The following RASA3 variants were observed in gnomAD, a reference collection of about 807,000 sequenced individuals.
The protein encoded by RASA3 is ras GTPase-activating protein 3.
A neutral mutation model predicts 110.0 loss-of-function variants in RASA3; 73 were observed. The ratio of observed to expected loss-of-function variants is 0.66; its 90% CI spans 0.55 to 0.81. RASA3 has a LOEUF of 0.81. Ranked by LOEUF, RASA3 falls within the 30% of genes least tolerant of loss-of-function variation. The probability of loss-of-function intolerance (pLI) is 0.00; values close to 1 mark genes in which losing one functional copy is unlikely to be tolerated. For missense variants in RASA3, 976 were observed against 1,113.2 expected, an observed-to-expected ratio of 0.88 and a Z score of 1.75; for synonymous variants, 500 against 451.4, an observed-to-expected ratio of 1.11 and a Z score of -1.37.
intron 3 of RASA3, among the ~76,000 whole-genome samples, chr13:114,051,387 C>A (rs771012073): frequency 6.6e-6 from 1 of 152,234 alleles, no homozygotes; most frequent in Non-Finnish European, 1.5e-5. Flanking sequence ...ACGCCTGCTG[C>A]GTGAGGTCTG....
chr13:114,009,533 G>C, intron 16 of RASA3, 69 bp from the exon 17 acceptor site: 2 of 1,064,966 alleles, frequency 1.9e-6, no homozygotes, highest in Middle Eastern at 2.0e-4. Context: ...ATCTGAAAAA[G>C]CTAGAGGCAA....
intron 1 of RASA3, among the ~76,000 whole-genome samples, chr13:114,118,679 G>A (rs969056490): frequency 6.6e-6 from 1 of 152,254 alleles, no homozygotes; most frequent in African/African-American, 2.4e-5. Context: ...CTGGACTAGC[G>A]TCTAAGCAAG....
chr13:113,992,359 A>C (rs1196088645), intron 22 of RASA3, 126 bp downstream of exon 22: 1 of 674,188 alleles, frequency 1.5e-6, no homozygotes, highest in Non-Finnish European at 2.5e-6. Context: ...TACAAAGACA[A>C]CTACATGTAG....
At chr13:114,051,521 GC>G (rs2079146320) in intron 3 of RASA3, among the ~76,000 whole-genome samples, 1 of 152,204 alleles carries the variant, frequency 6.6e-6, no homozygotes, top group African/African-American at 2.4e-5. Flanking sequence ...AGGCAGGGCT[GC>G]CCATGAGCTT....
At chr13:114,113,208 C>T (rs1473338590) in intron 1 of RASA3, among the ~76,000 whole-genome samples, 3 of 152,232 alleles carry the variant, frequency 2.0e-5, no homozygotes, top group Admixed American at 1.3e-4. Context: ...TGCTCAGCCA[C>T]ACCGGCCTCC....
At chr13:114,126,359 C>T (rs542907217) in intron 1 of RASA3, among the ~76,000 whole-genome samples, 20 of 152,348 alleles carry the variant, frequency 1.3e-4, no homozygotes, top group African/African-American at 4.8e-4. Flanking sequence ...CTGGGCCCCT[C>T]AAAGGCCAGG....
chr13:114,069,006 T>A lies in RASA3; in HGVS notation c.173+4714A>T, dbSNP rs935354626. 5.3e-5 allele frequency among the ~76,000 whole-genome samples: 8 copies of A among 151,998 alleles called. No homozygotes were observed. The East Asian group carries it at 1.6e-3, about 30-fold the overall frequency. On this transcript the variant is annotated intron_variant, in intron 2 of 23. Transcript: ENST00000334062. ...CCCCAGACGTCGGCTCAGCACTCGA[T>A]AAAGAGGCCCCACAGACTCCAGGGC...
At chr13:113,999,747 CG>C (rs1188293666) in intron 19 of RASA3, 80 bp from the exon 20 acceptor site, 50 of 787,188 alleles carry the variant, frequency 6.4e-5, no homozygotes, top group Admixed American at 7.2e-5. Flanking sequence ...GGGTCTCTGC[CG>C]GGGGGTCTCC....
intron 3 of RASA3, among the ~76,000 whole-genome samples, chr13:114,046,321 G>A (rs1399000626): frequency 6.6e-6 from 1 of 152,162 alleles, no homozygotes; most frequent in African/African-American, 2.4e-5. Flanking sequence ...GGTGGTGGAA[G>A]AAAACAGTTT....
chr13:114,083,558 G>A (rs376721646), intron 1 of RASA3, among the ~76,000 whole-genome samples: 2 of 141,894 alleles, frequency 1.4e-5, no homozygotes, highest in South Asian at 4.6e-4. Context: ...GAAATCACGG[G>A]GAAGTGGTGA....
In RASA3 at chr13:114,000,858, G is replaced by T; in HGVS notation, c.1817C>A (p.Thr606Asn). The change falls in exon 19 of 24, where the codon ACC (threonine) becomes AAC (asparagine). Residue 606 changes from threonine (T) to asparagine (N), a missense_variant. Physicochemically the swap from Thr to Asn is moderately conservative, Grantham distance 65. Coordinates refer to ENST00000334062, the MANE Select transcript of RASA3 (RefSeq NM_007368.4). The stretch of plus-strand genomic sequence containing the variant: ...TTTGTGGTAGGTAAATTCATGGTTG[G>T]TCAAGCGAAACCATCTCTTCTTAAA... Reference protein sequence around the residue: ...KNFKKRWFRLTNHEFTYHKSK... With the variant: ...KNFKKRWFRLNNHEFTYHKSK... 6.2e-7 allele frequency: 1 copy of T among 1,613,642 alleles called. No individual in the cohort carries two copies. The highest frequency in any genetic ancestry group is 8.5e-7 in the Non-Finnish European group (1 of 1,179,594).
chr13:114,009,417 A>G lies in RASA3; in HGVS notation c.1638T>C (p.Asn546=). The G allele has an allele frequency of 3.1e-6, 5 of 1,612,580 alleles. No homozygotes were observed. Among genetic ancestry groups the G allele is most frequent in the East Asian group, 2.2e-5 (1 of 44,888 alleles). Residue 546 remains asparagine (N), a synonymous_variant, in exon 17 of 24, where the codon AAT becomes AAC. Coordinates refer to ENST00000334062, the MANE Select transcript of RASA3 (RefSeq NM_007368.4). ...SYMATFYEFF[N]EQKYADAVKN... ...TCACCGCATCAGCATATTTCTGCTCATTGAAGAATTCATAAAATGTAGCCA... is the reference window on the plus strand; with the variant it reads ...TCACCGCATCAGCATATTTCTGCTCGTTGAAGAATTCATAAAATGTAGCCA...
chr13:114,013,304 G>A, intron 14 of RASA3, 56 bp from the exon 15 acceptor site: 1 of 1,372,450 alleles, frequency 7.3e-7, no homozygotes, highest in Non-Finnish European at 1.0e-6. Flanking sequence ...GCCTCGTGGG[G>A]ACACCATGCC....
intron 1 of RASA3, among the ~76,000 whole-genome samples, chr13:114,089,304 G>A (rs1207780240): frequency 6.8e-6 from 1 of 147,376 alleles, no homozygotes; most frequent in African/African-American, 2.5e-5. Context: ...GGAGGAGGGG[G>A]GGAGGAGGGG....
rs771942028 is a variant in RASA3 at position 113,981,767 on chromosome 13, C to G, written c.2337G>C (p.Thr779=). 5 of 1,614,016 alleles carry G rather than the reference C, an allele frequency of 3.1e-6. No homozygotes were observed. The highest frequency in any genetic ancestry group is 4.2e-6 in the Non-Finnish European group (5 of 1,180,006). Reference sequence around the variant, plus strand: ...CAACCCCAGCGATGACTTGCTTTAGCGTCTTGTAGGTCTCCTGGGGGTCGT... The same window carrying G: ...CAACCCCAGCGATGACTTGCTTTAGGGTCTTGTAGGTCTCCTGGGGGTCGT... ...VIDDPQETYK[T]LKQVIAGVGA... Residue 779 remains threonine (T), a synonymous_variant, in exon 23 of 24, where the codon ACG becomes ACC. Transcript: ENST00000334062.
chr13:114,101,198 G>A (rs965493471), intron 1 of RASA3, among the ~76,000 whole-genome samples: 1 of 152,212 alleles, frequency 6.6e-6, no homozygotes, highest in Non-Finnish European at 1.5e-5. Flanking sequence ...AGTCAGAGAG[G>A]CCCAGAAAAA....
At chr13:114,023,389 G>C (rs2053967380) in intron 8 of RASA3, among the ~76,000 whole-genome samples, 1 of 152,230 alleles carries the variant, frequency 6.6e-6, no homozygotes, top group South Asian at 2.1e-4. Context: ...CGGCTGGGGA[G>C]GGTCAGGAGG....
chr13:114,066,799 A>G (rs926432075), intron 2 of RASA3, among the ~76,000 whole-genome samples: 1 of 152,336 alleles, frequency 6.6e-6, no homozygotes, highest in Non-Finnish European at 1.5e-5. Context: ...TGGGGGTCAT[A>G]CAGACAGGAC....
intron 2 of RASA3, among the ~76,000 whole-genome samples, chr13:114,060,391 C>T (rs2079318678): frequency 1.3e-5 from 2 of 152,238 alleles, no homozygotes; most frequent in African/African-American, 4.8e-5. Context: ...GGTCAGCAGC[C>T]AGGAGCTGCC....
Sources: gnomAD v4.1 joint callset for allele counts (sites outside exome capture counted in the v4.1 genomes callset) on GRCh38, gnomAD v4.1.1 for gene constraint, MANE v1.5 for transcripts, NCBI Gene and HGNC (gene_info 2026-07-23, HGNC 2026-07-21) for gene names.